The following FMN2 variants were observed in gnomAD, a reference collection of about 807,000 sequenced individuals.
The protein encoded by FMN2 is formin 2.
FMN2 carries 51 observed loss-of-function variants against 142.3 expected under a neutral mutation model. That is an observed-to-expected ratio of 0.36 (90% CI 0.29 to 0.45). The LOEUF (loss-of-function observed/expected upper bound fraction) is 0.45, where lower values mean the gene tolerates loss of function less well. Among genes scored for constraint, FMN2 ranks in the 20% least tolerant of loss-of-function variants. FMN2 has a pLI of 1.00. For synonymous variants in FMN2, 882 were observed against 869.8 expected (o/e 1.01, Z -0.25); for missense variants, 1,936 against 2,122.8 (o/e 0.91, Z 1.73).
At chr1:240,296,323 G>A (rs1238811963) in intron 8 of FMN2, among the ~76,000 whole-genome samples, 2 of 150,502 alleles carry the variant, frequency 1.3e-5, no homozygotes, top group African/African-American at 4.9e-5. Flanking sequence ...GCTAGAATGT[G>A]ACATTAAATA....
intron 13 of FMN2, among the ~76,000 whole-genome samples, chr1:240,353,745 A>G: frequency 6.6e-6 from 1 of 152,214 alleles, no homozygotes. Context: ...TGAATGGGAC[A>G]GTACAGGTAA....
intron 14 of FMN2, among the ~76,000 whole-genome samples, chr1:240,380,010 A>G (rs1167901271): frequency 6.6e-6 from 1 of 152,132 alleles, no homozygotes; most frequent in African/African-American, 2.4e-5. Flanking sequence ...GACCTAAGAC[A>G]AGAGATAGAC....
chr1:240,122,113 G>GGTT, intron 1 of FMN2, among the ~76,000 whole-genome samples: 1 of 74,144 alleles, frequency 1.3e-5, no homozygotes, highest in African/African-American at 4.3e-5. Context: ...TTTGAGACAG[G>GGTT]CAACACTCTT....
At chr1:240,289,439 G>A (rs1389062460) in intron 7 of FMN2, among the ~76,000 whole-genome samples, 1 of 152,104 alleles carries the variant, frequency 6.6e-6, no homozygotes, top group South Asian at 2.1e-4. Context: ...AGCCTGAGGT[G>A]GGAGGATCAC....
chr1:240,288,422 T>C (rs549063162), intron 7 of FMN2, among the ~76,000 whole-genome samples: 2 of 152,214 alleles, frequency 1.3e-5, no homozygotes, highest in South Asian at 2.1e-4. Context: ...TAGAGCCTAA[T>C]AGGAGAATAA....
intron 7 of FMN2, among the ~76,000 whole-genome samples, chr1:240,265,297 C>A (rs1249772033): frequency 6.6e-6 from 1 of 151,934 alleles, no homozygotes; most frequent in Non-Finnish European, 1.5e-5. Flanking sequence ...ATTCTTTTAA[C>A]AAAATTATTA....
intron 8 of FMN2, among the ~76,000 whole-genome samples, chr1:240,297,553 A>C (rs1174820183): frequency 1.4e-5 from 2 of 145,526 alleles, no homozygotes; most frequent in East Asian, 4.1e-4. Context: ...CCGAGATTGC[A>C]TCACTGCACT....
At chr1:240,330,413 T>C (rs1293349769) in intron 10 of FMN2, among the ~76,000 whole-genome samples, 190 bp from the exon 11 acceptor site, 2 of 152,192 alleles carry the variant, frequency 1.3e-5, no homozygotes, top group Admixed American at 6.6e-5. Context: ...ACCTGAATGT[T>C]TGTGGGTGGT....
intron 6 of FMN2, among the ~76,000 whole-genome samples, chr1:240,228,328 A>AAAAAAAAAAAAAAG (rs1558380489): frequency 4.5e-5 from 3 of 66,364 alleles, no homozygotes; most frequent in African/African-American, 1.8e-4. Flanking sequence ...AAAAAAAAAA[A>AAAAAAAAAAAAAAG]AAAAGAAAAA....
intron 2 of FMN2, among the ~76,000 whole-genome samples, chr1:240,168,325 C>T (rs60928574): frequency 0.18 from 26,649 of 152,076 alleles, 2,534 homozygotes; most frequent in Middle Eastern, 0.27. Context: ...CAGTGGCTCA[C>T]GCCTGGAATA....
At chr1:240,279,277 G>C (rs1669318923) in intron 7 of FMN2, among the ~76,000 whole-genome samples, 1 of 152,150 alleles carries the variant, frequency 6.6e-6, no homozygotes, top group Admixed American at 6.5e-5. Flanking sequence ...AAAAAATTCT[G>C]ATACCGTGAG....
At chr1:240,274,235 A>AG (rs1176325954) in intron 7 of FMN2, among the ~76,000 whole-genome samples, 8 of 151,930 alleles carry the variant, frequency 5.3e-5, no homozygotes, top group East Asian at 1.9e-4. Flanking sequence ...AAAAAAAAAA[A>AG]AGAGAGAGTG....
chr1:240,128,638 A>G (rs888575469), intron 2 of FMN2, among the ~76,000 whole-genome samples: 3 of 152,190 alleles, frequency 2.0e-5, no homozygotes, highest in African/African-American at 4.8e-5. Context: ...GTAAATGGAC[A>G]TCGGTTTGGA....
intron 4 of FMN2, among the ~76,000 whole-genome samples, chr1:240,190,915 T>C (rs544866191): frequency 6.6e-6 from 1 of 152,338 alleles, no homozygotes; most frequent in Non-Finnish European, 1.5e-5. Context: ...TTTGTTATTA[T>C]GTAAAAAAAA....
Position 240,211,123 on chromosome 1 carries a change from T to C in FMN2, c.3953T>C (p.Ile1318Thr). 1 of 1,612,984 alleles carries C rather than the reference T, an allele frequency of 6.2e-7. No individual in the cohort carries two copies. The highest frequency in any genetic ancestry group is 8.5e-7 in the Non-Finnish European group (1 of 1,179,830). Residue 1318 changes from isoleucine to threonine, a missense_variant, in exon 6 of 18, where the codon ATT becomes ACT. This residue lies in a region of FMN2 where 259 missense variants were observed against 230.9 expected (regional missense o/e 1.12). Coordinates refer to ENST00000319653, the MANE Select transcript of FMN2 (RefSeq NM_020066.5). ...AGTACTTCACTTATTTGGGAAAAAATTGAAGAGCCATCCATAGATTGTCAT... is the reference window on the plus strand; with the variant it reads ...AGTACTTCACTTATTTGGGAAAAAACTGAAGAGCCATCCATAGATTGTCAT... ...DSSTSLIWEK[I>T]EEPSIDCHEF...
intron 13 of FMN2, among the ~76,000 whole-genome samples, chr1:240,343,173 C>T (rs994630167): frequency 7.2e-5 from 11 of 152,048 alleles, no homozygotes; most frequent in East Asian, 1.9e-4. Flanking sequence ...GAAGACTGTG[C>T]GCATATGTGG....
chr1:240,393,891 C>T (rs1411903117), intron 15 of FMN2, among the ~76,000 whole-genome samples: 3 of 152,182 alleles, frequency 2.0e-5, no homozygotes, highest in Non-Finnish European at 4.4e-5. Flanking sequence ...CAGCTACTTG[C>T]CACACAGAAA....
intron 7 of FMN2, among the ~76,000 whole-genome samples, chr1:240,267,548 C>T (rs973817488): frequency 1.1e-4 from 16 of 151,186 alleles, no homozygotes; most frequent in African/African-American, 2.9e-4. Flanking sequence ...AGGCTTAATA[C>T]CTGGGTGATG....
chr1:240,312,618 T>C (rs1670635593), intron 8 of FMN2, among the ~76,000 whole-genome samples: 1 of 152,218 alleles, frequency 6.6e-6, no homozygotes. Flanking sequence ...TTCTCTTAAA[T>C]AGAATTTCTT....
Sources: allele counts gnomAD v4.1 joint callset (sites outside exome capture counted in the v4.1 genomes callset), GRCh38; gene constraint gnomAD v4.1.1; regional missense constraint gnomAD v4.1.1; transcripts MANE v1.5; gene names NCBI Gene and HGNC (gene_info 2026-07-23, HGNC 2026-07-21).